Variants in EXTL3 observed in about 807,000 individuals in gnomAD.
The protein encoded by EXTL3 is exostosin-like 3.
A neutral mutation model predicts 69.3 loss-of-function variants in EXTL3; 27 were observed. That is an observed-to-expected ratio of 0.39 (90% CI 0.29 to 0.54). EXTL3 has a LOEUF of 0.54. EXTL3 is among the 20% of genes least tolerant of loss of function. The probability of loss-of-function intolerance (pLI) is 0.69; values close to 1 mark genes in which losing one functional copy is unlikely to be tolerated. For synonymous variants in EXTL3, 511 were observed against 499.4 expected (o/e 1.02, Z -0.31); for missense variants, 1,003 against 1,231.8 (o/e 0.81, Z 2.78).
At chr8:28,728,855 G>A (rs557183584) in intron 3 of EXTL3, among the ~76,000 whole-genome samples, 14 of 152,126 alleles carry the variant, frequency 9.2e-5, no homozygotes, top group African/African-American at 2.9e-4. Context: ...TAGCACCATT[G>A]CACTCCAGCC....
At chr8:28,732,648 C>T (rs1044294029) in intron 4 of EXTL3, among the ~76,000 whole-genome samples, 14 of 152,156 alleles carry the variant, frequency 9.2e-5, no homozygotes, top group African/African-American at 3.4e-4. Context: ...AACTGTACAA[C>T]GATGCATGGC....
intron 1 of EXTL3, among the ~76,000 whole-genome samples, chr8:28,705,336 G>A (rs983490712): frequency 2.0e-5 from 3 of 152,160 alleles, no homozygotes; most frequent in African/African-American, 7.2e-5. Flanking sequence ...GGGACCTGAT[G>A]AATCAGAAAT....
intron 1 of EXTL3, among the ~76,000 whole-genome samples, chr8:28,681,158 C>A (rs1807480614): frequency 6.6e-6 from 1 of 151,846 alleles, no homozygotes; most frequent in African/African-American, 2.4e-5. Context: ...CAGGCGTGAG[C>A]CACTGCGCCT....
chr8:28,704,077 T>C (rs1478473949), intron 1 of EXTL3, among the ~76,000 whole-genome samples: 2 of 152,224 alleles, frequency 1.3e-5, no homozygotes, highest in Admixed American at 6.5e-5. Context: ...TTTTCAGTCA[T>C]TCAGACCTCT....
At position 28,714,833 on chromosome 8, in the gene EXTL3, C is replaced by T. The variant is rs191297804; in HGVS notation, c.-475-752C>T. 2.0e-4 allele frequency among the ~76,000 whole-genome samples: 31 copies of T among 152,272 alleles called. 1 individual carries two copies. The East Asian group carries it at 5.0e-3, about 25-fold the overall frequency. On this transcript the variant is annotated intron_variant, in intron 2 of 6. Transcript: ENST00000220562. Reference sequence around the variant, plus strand: ...GTATCACAGCAACGTGGTGCATTGCCGTCTCCGTGCACCTATCTCCATTTT... The same window carrying T: ...GTATCACAGCAACGTGGTGCATTGCTGTCTCCGTGCACCTATCTCCATTTT...
chr8:28,616,738 G>A (rs1235127451), intron 2 of EXTL3, among the ~76,000 whole-genome samples: 2 of 152,204 alleles, frequency 1.3e-5, no homozygotes, highest in Admixed American at 6.5e-5. Flanking sequence ...ACAGGTGTGC[G>A]CTGAGTATAG....
chr8:28,710,422 A>G, intron 1 of EXTL3: 1 of 455,452 alleles, frequency 2.2e-6, no homozygotes, highest in Non-Finnish European at 4.4e-6. Context: ...CATGGGCAGG[A>G]AGTGTAAAAT....
chr8:28,743,674 T>C (rs1000242254), intron 6 of EXTL3, among the ~76,000 whole-genome samples: 1 of 152,220 alleles, frequency 6.6e-6, no homozygotes, highest in African/African-American at 2.4e-5. Flanking sequence ...CCCCTAGATG[T>C]TGTGATTTAA....
intron 2 of EXTL3, among the ~76,000 whole-genome samples, chr8:28,609,409 T>C (rs1397017778): frequency 6.6e-6 from 1 of 151,556 alleles, no homozygotes; most frequent in Non-Finnish European, 1.5e-5. Context: ...ATTTCGGACA[T>C]GGATTCCACA....
rs1193602910 is a variant in EXTL3 at position 28,753,040 on chromosome 8, T to G, written c.*2174T>G. 1 of 152,372 alleles carries G rather than the reference T, an allele frequency of 6.6e-6. No homozygotes were observed. The highest frequency in any genetic ancestry group is 2.4e-5 in the African/African-American group (1 of 41,448). The allele number at this position is 152,372 out of a possible 1,614,324, so 9.4% of individuals were successfully genotyped here. A position where few individuals can be genotyped will look rare whatever the true frequency, so the allele number is the denominator to read the frequency against. On this transcript the variant is annotated 3_prime_UTR_variant, in exon 7 of 7. Coordinates refer to ENST00000220562, the MANE Select transcript of EXTL3 (RefSeq NM_001440.4). ...TGTCACTGGTGGATCTAAGAAGGGCTGAGTGGTCTGACACCAAAACATGCC... is the reference window on the plus strand; with the variant it reads ...TGTCACTGGTGGATCTAAGAAGGGCGGAGTGGTCTGACACCAAAACATGCC...
chr8:28,608,466 A>G (rs561734528), intron 2 of EXTL3, among the ~76,000 whole-genome samples: 5 of 152,258 alleles, frequency 3.3e-5, no homozygotes, highest in African/African-American at 1.2e-4. Context: ...GTTGACAGCC[A>G]AAGAGTTTCT....
At chr8:28,684,422 G>T (rs1807543819) in intron 1 of EXTL3, among the ~76,000 whole-genome samples, 1 of 152,104 alleles carries the variant, frequency 6.6e-6, no homozygotes, top group Non-Finnish European at 1.5e-5. Flanking sequence ...ATTTCTATCT[G>T]AGGTGGTTCT....
chr8:28,697,969 C>T (rs1800711502), upstream of EXTL3: 1 of 152,012 alleles, frequency 6.6e-6, no homozygotes, highest in Non-Finnish European at 1.5e-5. Context: ...AGTGAAGACT[C>T]ACTTCATTGT....
intron 1 of EXTL3, among the ~76,000 whole-genome samples, chr8:28,658,361 C>T (rs1252266316): frequency 1.3e-5 from 2 of 152,148 alleles, no homozygotes; most frequent in Non-Finnish European, 2.9e-5. Context: ...ACCCTGTTTT[C>T]ACCCTCCCTA....
At chr8:28,673,265 G>A (rs1391806189) in intron 1 of EXTL3, among the ~76,000 whole-genome samples, 2 of 152,190 alleles carry the variant, frequency 1.3e-5, no homozygotes, top group African/African-American at 2.4e-5. Context: ...AATTTTATCT[G>A]TCAACTTGAC....
rs1476744150 is a variant in EXTL3, at chr8:28,754,620, G to A, written c.*3754G>A. 7 of 152,290 alleles carry A rather than the reference G, an allele frequency of 4.6e-5. No individual in the cohort carries two copies. The highest frequency in any genetic ancestry group is 8.8e-5 in the Non-Finnish European group (6 of 68,092). The allele number at this position is 152,290 out of a possible 1,614,324, so 9.4% of individuals were successfully genotyped here. ...GGTGGCATGAGGCTGTAGAAAATGT[G>A]TCTTCCTATACACAGAGATATGATG... is the stretch of plus-strand genomic sequence containing the variant. On this transcript the variant is annotated 3_prime_UTR_variant, in exon 7 of 7. Transcript: ENST00000220562.
rs949414828 is a variant in EXTL3, at chr8:28,713,589, G to A, written c.-476+39G>A. The A allele has an allele frequency of 5.8e-5, 40 of 693,892 alleles. No individual in the cohort carries two copies. The Middle Eastern group carries it at 6.9e-4, about 12-fold the overall frequency. The allele number at this position is 693,892 out of a possible 1,614,324, so 43.0% of individuals were successfully genotyped here. On this transcript the variant is annotated intron_variant, in intron 2 of 6. Transcript: ENST00000220562. ...GAGTCAGCTGGATTGCTGTGATTAC[G>A]CCTTCTTTTCTTTTTCTTCCATTCT...
chr8:28,684,944 A>ATTTTAGCATGAATTTTTTAAAGC lies in EXTL3; in HGVS notation c.-52-28513_-52-28512insTTTTAGCATGAATTTTTTAAAGC, dbSNP rs1275772909. On this transcript the variant is annotated intron_variant, in intron 1 of 6. Coordinates refer to the EXTL3 transcript ENST00000523149. The stretch of plus-strand genomic sequence containing the variant: ...ATATCATGATCCTTTGCCCTTAAAT[A>ATTTTAGCATGAATTTTTTAAAGC]ACAATAATGTTGTGTTTTTTTTTCT... 4.1e-4 allele frequency among the ~76,000 whole-genome samples: 56 copies of ATTTTAGCATGAATTTTTTAAAGC among 136,352 alleles called. 2 individuals are homozygous for ATTTTAGCATGAATTTTTTAAAGC. Among genetic ancestry groups the ATTTTAGCATGAATTTTTTAAAGC allele is most frequent in the Admixed American group, 5.2e-4 (7 of 13,358 alleles). 89.5% of individuals were successfully genotyped at this position (136,352 alleles called of 152,430 possible). A position where few individuals can be genotyped will look rare whatever the true frequency, so the allele number is the denominator to read the frequency against.
upstream of EXTL3, among the ~76,000 whole-genome samples, chr8:28,618,823 G>A (rs768774065): frequency 6.6e-5 from 10 of 151,786 alleles, no homozygotes; most frequent in Non-Finnish European, 1.0e-4. Context: ...GGTGGCTCAC[G>A]CCTCTAATCC....
Sources: gnomAD v4.1 joint callset for allele counts (sites outside exome capture counted in the v4.1 genomes callset) on GRCh38, gnomAD v4.1.1 for gene constraint, MANE v1.5 for transcripts, NCBI Gene and HGNC (gene_info 2026-07-23, HGNC 2026-07-21) for gene names.